The following ISOC2 variants were observed in gnomAD, a reference collection of about 807,000 sequenced individuals.
ISOC2 encodes isochorismatase domain-containing protein 2.
ISOC2 carries 15 observed loss-of-function variants against 19.3 expected under a neutral mutation model. That is an observed-to-expected ratio of 0.78 (90% CI 0.52 to 1.20). The LOEUF is 1.20. Ranked by LOEUF, ISOC2 falls within the 50% of genes most tolerant of loss-of-function variation. ISOC2 has a pLI of 0.00. For missense variants in ISOC2, 285 were observed against 272.4 expected (o/e 1.05, Z -0.33); for synonymous variants, 106 against 115.8 (o/e 0.92, Z 0.54).
At chr19:55,460,449 G>A (rs561466871) in intron 1 of ISOC2, among the ~76,000 whole-genome samples, 22 of 152,270 alleles carry the variant, frequency 1.4e-4, no homozygotes, top group African/African-American at 4.8e-4. Flanking sequence ...TTTTCACTGG[G>A]TCCTATTCTG....
chr19:55,460,267 G>A (rs1323526892), intron 1 of ISOC2, among the ~76,000 whole-genome samples: 3 of 152,214 alleles, frequency 2.0e-5, no homozygotes, highest in South Asian at 2.1e-4. Context: ...TTTGAGAGAA[G>A]TGAAAAAGAA....
intron 1 of ISOC2, among the ~76,000 whole-genome samples, chr19:55,458,361 GTCTGCAGC>G (rs1986130740): frequency 6.6e-6 from 1 of 152,178 alleles, no homozygotes; most frequent in Admixed American, 6.5e-5. Context: ...CTGGGCTTTT[GTCTGCAGC>G]TCTCTCCCCG....
At chr19:55,454,743 C>A in intron 5 of ISOC2, 1 of 552,678 alleles carries the variant, frequency 1.8e-6, no homozygotes. Flanking sequence ...CCAATACAAA[C>A]CCCCTCCTCT....
intron 1 of ISOC2, among the ~76,000 whole-genome samples, chr19:55,460,835 G>C (rs1047799194): frequency 2.6e-5 from 4 of 152,254 alleles, no homozygotes; most frequent in African/African-American, 4.8e-5. Context: ...AAAGGCCAGA[G>C]AGCAGGAGGT....
rs2123372762 is a variant in ISOC2, at chr19:55,453,277, G to C, written c.*31C>G. On this transcript the variant is annotated 3_prime_UTR_variant, in exon 6 of 6. Transcript: ENST00000425675. Reference sequence around the variant, plus strand: ...TTCCACTGAGGTCCGGGTGACAGGAGGGTGGTCTTCCCTCAAGGCAGGGTT... The same window carrying C: ...TTCCACTGAGGTCCGGGTGACAGGACGGTGGTCTTCCCTCAAGGCAGGGTT... 4 of 1,537,104 alleles carry C rather than the reference G, an allele frequency of 2.6e-6. No homozygotes were observed. The East Asian group carries it at 9.3e-5, about 36-fold the overall frequency.
chr19:55,456,702 G>A (rs1986072611), intron 1 of ISOC2, among the ~76,000 whole-genome samples: 1 of 152,120 alleles, frequency 6.6e-6, no homozygotes, highest in African/African-American at 2.4e-5. Flanking sequence ...TGACTTCCTT[G>A]GGAAGCCTTC....
intron 5 of ISOC2, 130 bp from the exon 6 acceptor site, chr19:55,453,518 C>T (rs1327080272): frequency 1.7e-6 from 1 of 587,754 alleles, no homozygotes; most frequent in Non-Finnish European, 2.9e-6. Flanking sequence ...AGACAACACT[C>T]CCTCTTCTCA....
chr19:55,456,388 G>A lies in ISOC2; in HGVS notation c.99C>T (p.Tyr33=). Residue 33 remains tyrosine (Y), a synonymous_variant, in exon 2 of 6, where the codon TAC becomes TAT. Coordinates refer to ENST00000425675, the MANE Select transcript of ISOC2 (RefSeq NM_001136201.2). ...CAGCCACTGAGACGATCTGTGGGAA[G>A]TAGGCGATGTTGTGGCGGAACTTCT... The part of the protein sequence containing the change: ...MQEKFRHNIA[Y]FPQIVSVAAR... 4 of 1,613,990 alleles carry A rather than the reference G, an allele frequency of 2.5e-6. No homozygotes were observed. The highest frequency in any genetic ancestry group is 3.4e-6 in the Non-Finnish European group (4 of 1,179,922).
intron 1 of ISOC2, among the ~76,000 whole-genome samples, chr19:55,458,506 T>A (rs1986135399): frequency 6.6e-6 from 1 of 151,722 alleles, no homozygotes; most frequent in Non-Finnish European, 1.5e-5. Context: ...GGCAGGGCAC[T>A]CAACAAGAAG....
intron 5 of ISOC2, 46 bp downstream of exon 5, chr19:55,454,943 C>A (rs765330042): frequency 7.2e-7 from 1 of 1,384,308 alleles, no homozygotes; most frequent in Admixed American, 1.7e-5. Context: ...AAAGACAAGA[C>A]CTTTGACAGA....
At chr19:55,460,841 G>A (rs1159007111) in intron 1 of ISOC2, among the ~76,000 whole-genome samples, 3 of 152,252 alleles carry the variant, frequency 2.0e-5, no homozygotes, top group African/African-American at 4.8e-5. Context: ...CAGAGAGCAG[G>A]AGGTCGGCGC....
In ISOC2 at chr19:55,455,328, G is replaced by T; in HGVS notation, c.351C>A (p.Asn117Lys). The T allele has an allele frequency of 6.2e-7, 1 of 1,614,152 alleles. No individual in the cohort carries two copies. Among genetic ancestry groups the T allele is most frequent in the Non-Finnish European group, 8.5e-7 (1 of 1,179,992 alleles). The change falls in exon 4 of 6, where the codon AAC becomes AAA. Residue 117 changes from asparagine (N) to lysine (K), a missense_variant and splice_region_variant. By Grantham distance (94) the Asn-to-Lys change is moderately conservative. Transcript: ENST00000425675. ...CGIEAQACIL[N>K]TTLDLLDRGL... ...CCCGGTCTAGGAGGTCCAGGGTCGT[G>T]TTCTGTGGGTAGAGAGAGGTCAGGG... is the stretch of plus-strand genomic sequence containing the variant.
chr19:55,458,059 T>TA (rs11376226), intron 1 of ISOC2, among the ~76,000 whole-genome samples: 82,877 of 141,968 alleles, frequency 0.58, 23,843 homozygotes, highest in Non-Finnish European at 0.62. Flanking sequence ...TTACCACAAT[T>TA]AAAAAAAAAA....
At position 55,455,856 on chromosome 19, in the gene ISOC2, G is replaced by A; in HGVS notation, c.139-11C>T. On this transcript the variant is annotated splice_polypyrimidine_tract_variant and intron_variant, in intron 2 of 5. Coordinates refer to ENST00000425675, the MANE Select transcript of ISOC2 (RefSeq NM_001136201.2). ...AAGCAGCCGGGCCACCTGTGCCAGT[G>A]ATGGGGAAGAAAGGTCAGGGTCTGA... 6.5e-7 allele frequency: 1 copy of A among 1,536,006 alleles called. No individual in the cohort carries two copies. The highest frequency in any genetic ancestry group is 8.8e-7 in the Non-Finnish European group (1 of 1,136,728).
At chr19:55,460,434 G>C (rs1216239783) in intron 1 of ISOC2, among the ~76,000 whole-genome samples, 2 of 152,198 alleles carry the variant, frequency 1.3e-5, no homozygotes, top group Non-Finnish European at 2.9e-5. Flanking sequence ...AAGTCTGTAG[G>C]AGCCTTTTCA....
At chr19:55,456,583 G>A (rs1366415942) in intron 1 of ISOC2, 94 bp from the exon 2 acceptor site, 2 of 1,500,484 alleles carry the variant, frequency 1.3e-6, no homozygotes, top group African/African-American at 2.8e-5. Context: ...AGCCTGGCAG[G>A]GCCCGGGGCA....
At position 55,455,114 on chromosome 19, in the gene ISOC2, T is replaced by A. The variant is rs1568457955; in HGVS notation, c.420-8A>T. The A allele has an allele frequency of 2.4e-6, 2 of 833,148 alleles. No individual in the cohort carries two copies. The highest frequency in any genetic ancestry group is 1.8e-5 in the African/African-American group (1 of 56,454). The allele number at this position is 833,148 out of a possible 1,614,324, so 51.6% of individuals were successfully genotyped here. ...ACCAGCCGGTCCACCTGGCTGTGAG[T>A]GGGAGGGAGGGAGGGAAGGTTGGTG... On this transcript the variant is annotated splice_polypyrimidine_tract_variant and splice_region_variant and intron_variant, in intron 4 of 5. Coordinates refer to ENST00000425675, the MANE Select transcript of ISOC2 (RefSeq NM_001136201.2).
chr19:55,460,144 A>G (rs965997815), intron 1 of ISOC2: 1 of 152,250 alleles, frequency 6.6e-6, no homozygotes, highest in Non-Finnish European at 1.5e-5. Flanking sequence ...TTAAGTATCA[A>G]TGTCCACAAT....
chr19:55,453,311 G>C lies in ISOC2; in HGVS notation c.615C>G (p.His205Gln). The stretch of plus-strand genomic sequence containing the variant: ...TCCCTCAAGGCAGGGTTGGAGTTCA[G>C]TGGAGGAGGGAGTTCTGGCCTTGGA... ...GLFQGQNSLLH is the reference protein window; with the variant it reads ...GLFQGQNSLLQ The change falls in exon 6 of 6, where the codon CAC becomes CAG. Residue 205 changes from histidine to glutamine, a missense_variant. By Grantham distance (24) the His-to-Gln change is conservative. Coordinates refer to ENST00000425675, the MANE Select transcript of ISOC2 (RefSeq NM_001136201.2). The C allele has an allele frequency of 6.2e-7, 1 of 1,605,470 alleles. No individual in the cohort carries two copies. The highest frequency in any genetic ancestry group is 8.5e-7 in the Non-Finnish European group (1 of 1,176,430).
Sources: gnomAD v4.1 joint callset for allele counts (sites outside exome capture counted in the v4.1 genomes callset) on GRCh38, gnomAD v4.1.1 for gene constraint, MANE v1.5 for transcripts, NCBI Gene and HGNC (gene_info 2026-07-23, HGNC 2026-07-21) for gene names.